The following MARCHF1 variants were observed in gnomAD, a reference collection of about 807,000 sequenced individuals.
MARCHF1 encodes the protein E3 ubiquitin-protein ligase MARCHF1.
Under a neutral mutation model 54.2 loss-of-function variants are expected in MARCHF1, and 40 were observed. That is an observed-to-expected ratio of 0.74 (90% CI 0.57 to 0.96). The LOEUF (loss-of-function observed/expected upper bound fraction) is 0.96. MARCHF1 is among the 40% of genes least tolerant of loss of function. MARCHF1 has a pLI of 0.00. For synonymous variants in MARCHF1, 236 were observed against 236.3 expected (o/e 1.00, Z 0.01); for missense variants, 586 against 656.5 (o/e 0.89, Z 1.17).
intron 4 of MARCHF1, among the ~76,000 whole-genome samples, chr4:163,819,117 T>C (rs1162148232): frequency 6.6e-6 from 1 of 152,000 alleles, no homozygotes; most frequent in Admixed American, 6.6e-5. Flanking sequence ...CAGCTTGGAG[T>C]TGCCATTTTC....
At chr4:164,301,735 T>A (rs1734566548) in intron 1 of MARCHF1, among the ~76,000 whole-genome samples, 1 of 152,158 alleles carries the variant, frequency 6.6e-6, no homozygotes, top group Admixed American at 6.5e-5. Context: ...AGAATGTCAA[T>A]GGTTCATATC....
At chr4:163,561,000 G>A (rs879070863) in intron 8 of MARCHF1, among the ~76,000 whole-genome samples, 1 of 151,934 alleles carries the variant, frequency 6.6e-6, no homozygotes, top group Admixed American at 6.6e-5. Context: ...CAATCGAGAT[G>A]CTTTTATTTG....
In MARCHF1 at chr4:163,998,792, A is replaced by G. The variant is rs953659569; in HGVS notation, c.-247-10083T>C. ...GTTGCAAATGACAGGAATTTTTTCT[A>G]CTTTTAAAGGCTGAATCATCATTCC... is the stretch of plus-strand genomic sequence containing the variant. On this transcript the variant is annotated intron_variant, in intron 2 of 9. Transcript: ENST00000514618. Among the ~76,000 whole-genome samples the G allele has an allele frequency of 2.6e-5, 4 of 151,638 alleles. No individual in the cohort carries two copies. In the South Asian group the frequency reaches 8.3e-4, roughly 31 times the overall value.
chr4:164,004,959 A>T (rs1753257243), intron 2 of MARCHF1, among the ~76,000 whole-genome samples: 1 of 152,100 alleles, frequency 6.6e-6, no homozygotes, highest in Non-Finnish European at 1.5e-5. Context: ...CATTAAAAAA[A>T]GGTCAATAAA....
At chr4:164,296,622 G>A (rs1734418240) in intron 1 of MARCHF1, among the ~76,000 whole-genome samples, 1 of 151,914 alleles carries the variant, frequency 6.6e-6, no homozygotes, top group Non-Finnish European at 1.5e-5. Context: ...TGCCCCCCTT[G>A]GCCTCCCAAA....
At chr4:164,350,579 C>T (rs1232348213) in intron 1 of MARCHF1, among the ~76,000 whole-genome samples, 3 of 152,104 alleles carry the variant, frequency 2.0e-5, no homozygotes, top group African/African-American at 7.2e-5. Context: ...TCTCTACACG[C>T]TATATACACG....
At chr4:164,188,607 G>C (rs1731040045) in intron 1 of MARCHF1, 1 of 889,080 alleles carries the variant, frequency 1.1e-6, no homozygotes, top group South Asian at 1.3e-5. Context: ...TATCTGATCG[G>C]CGATGCCGCC....
At chr4:163,961,653 C>G (rs1752348704) in intron 3 of MARCHF1, among the ~76,000 whole-genome samples, 1 of 151,932 alleles carries the variant, frequency 6.6e-6, no homozygotes, top group African/African-American at 2.4e-5. Context: ...TCATGGTTGA[C>G]AGGCTTGCTT....
chr4:164,288,820 C>T (rs989754769), intron 1 of MARCHF1, among the ~76,000 whole-genome samples: 2 of 151,866 alleles, frequency 1.3e-5, no homozygotes, highest in African/African-American at 2.4e-5. Flanking sequence ...GAGAGTTTTC[C>T]GACTTTAATC....
At chr4:164,241,921 G>C (rs1207983844) in intron 1 of MARCHF1, among the ~76,000 whole-genome samples, 1 of 152,190 alleles carries the variant, frequency 6.6e-6, no homozygotes, top group African/African-American at 2.4e-5. Flanking sequence ...TTTTCCAACG[G>C]GCTTAAAAAA....
In MARCHF1 at chr4:163,862,448, C is replaced by T. The variant is rs548151344; in HGVS notation, c.-38-8279G>A. Among the ~76,000 whole-genome samples, 19 of 151,986 alleles carry T rather than the reference C, an allele frequency of 1.3e-4. No individual in the cohort carries two copies. In the South Asian group the frequency reaches 2.5e-3, roughly 20 times the overall value. ...GATATACAAATGGATACCAAGAATACGAAAAGATGCTCAACATTATATGTC... is the reference window on the plus strand; with the variant it reads ...GATATACAAATGGATACCAAGAATATGAAAAGATGCTCAACATTATATGTC... On this transcript the variant is annotated intron_variant, in intron 3 of 9. Coordinates refer to ENST00000514618, the MANE Select transcript of MARCHF1 (RefSeq NM_001394959.1).
intron 3 of MARCHF1, among the ~76,000 whole-genome samples, chr4:163,967,400 A>G (rs1201717259): frequency 6.6e-6 from 1 of 152,160 alleles, no homozygotes; most frequent in Non-Finnish European, 1.5e-5. Context: ...TGGTCCATGT[A>G]TTTTTAACTT....
Position 164,147,590 on chromosome 4 carries a change from C to T in MARCHF1, c.-322-35928G>A, listed in dbSNP as rs182706392. On this transcript the variant is annotated intron_variant, in intron 1 of 9. Coordinates refer to ENST00000514618, the MANE Select transcript of MARCHF1 (RefSeq NM_001394959.1). Reference sequence around the variant, plus strand: ...TCACAAGAACCAAAAACCAAACACGCATATTCTCACTCATAGGTGGGAACT... The same window carrying T: ...TCACAAGAACCAAAAACCAAACACGTATATTCTCACTCATAGGTGGGAACT... Among the ~76,000 whole-genome samples the T allele has an allele frequency of 3.9e-3, 560 of 142,750 alleles. 5 individuals are homozygous for T. The highest frequency in any genetic ancestry group is 0.014 in the African/African-American group (518 of 37,480). 93.6% of individuals were successfully genotyped at this position (142,750 alleles called of 152,430 possible). A position where few individuals can be genotyped will look rare whatever the true frequency, so the allele number is the denominator to read the frequency against.
intron 1 of MARCHF1, among the ~76,000 whole-genome samples, chr4:164,174,808 G>T (rs1351642527): frequency 6.6e-6 from 1 of 152,110 alleles, no homozygotes; most frequent in African/African-American, 2.4e-5. Flanking sequence ...CCACAAAAAC[G>T]AATTCTGGTA....
chr4:164,255,014 G>C (rs1018870167), intron 1 of MARCHF1, among the ~76,000 whole-genome samples: 1 of 152,102 alleles, frequency 6.6e-6, no homozygotes, highest in African/African-American at 2.4e-5. Context: ...CAAAGTGGTG[G>C]GATTACAGGC....
chr4:163,914,928 A>G (rs576379452), intron 3 of MARCHF1, among the ~76,000 whole-genome samples: 1 of 152,280 alleles, frequency 6.6e-6, no homozygotes, highest in African/African-American at 2.4e-5. Context: ...CGTGTTTTAT[A>G]AACAGCATGG....
chr4:163,877,354 C>T (rs1429050626), intron 3 of MARCHF1, among the ~76,000 whole-genome samples: 2 of 152,052 alleles, frequency 1.3e-5, no homozygotes, highest in African/African-American at 2.4e-5. Flanking sequence ...GTTTCTCAAC[C>T]CTCATTGCAC....
intron 2 of MARCHF1, among the ~76,000 whole-genome samples, chr4:164,047,983 A>G (rs1213591519): frequency 1.3e-5 from 2 of 152,198 alleles, no homozygotes; most frequent in Non-Finnish European, 2.9e-5. Flanking sequence ...AGCATATTCA[A>G]AATTCTCTCA....
intron 1 of MARCHF1, among the ~76,000 whole-genome samples, chr4:164,176,987 T>TATA (rs1189352040): frequency 7.6e-5 from 5 of 65,364 alleles, no homozygotes; most frequent in African/African-American, 3.5e-4. Flanking sequence ...TCTCTATATA[T>TATA]ATATATATAT....
Sources: allele counts gnomAD v4.1 joint callset (sites outside exome capture counted in the v4.1 genomes callset), GRCh38; gene constraint gnomAD v4.1.1; transcripts MANE v1.5; gene names NCBI Gene and HGNC (gene_info 2026-07-23, HGNC 2026-07-21).